FAT4: variants seen among roughly 807,000 people sequenced by gnomAD.
The protein encoded by FAT4 is protocadherin Fat 4.
FAT4 carries 84 observed loss-of-function variants against 303.9 expected under a neutral mutation model. The ratio of observed to expected loss-of-function variants is 0.28; its 90% CI spans 0.23 to 0.33. The LOEUF (loss-of-function observed/expected upper bound fraction) is 0.33, where lower values mean the gene tolerates loss of function less well. Ranked by LOEUF, FAT4 falls within the 10% of genes least tolerant of loss-of-function variation. The pLI is 1.00. For synonymous variants in FAT4, 2,307 were observed against 2,298.8 expected (o/e 1.00, Z -0.10); for missense variants, 6,005 against 6,146.8 (o/e 0.98, Z 0.77).
Position 125,317,388 on chromosome 4 carries a change from T to G in FAT4, c.977T>G (p.Met326Arg). The change falls in exon 2 of 18, where the codon ATG becomes AGG. Residue 326 changes from methionine (M) to arginine (R), a missense_variant. Coordinates refer to ENST00000394329, the MANE Select transcript of FAT4 (RefSeq NM_001291303.3). This position sits in a 1 kb window ranked among gnomAD's most constrained non-coding sequence, Gnocchi z 7.0. ...RRQYSLTVQAMDRGVPSLTGR... is the reference protein window; with the variant it reads ...RRQYSLTVQARDRGVPSLTGR... ...CAATACTCGCTTACGGTGCAGGCGATGGACAGAGGCGTGCCTTCCCTCACT... is the reference window on the plus strand; with the variant it reads ...CAATACTCGCTTACGGTGCAGGCGAGGGACAGAGGCGTGCCTTCCCTCACT... 1 of 1,613,482 alleles carries G rather than the reference T, an allele frequency of 6.2e-7. No homozygotes were observed. Among genetic ancestry groups the G allele is most frequent in the East Asian group, 2.2e-5 (1 of 44,868 alleles).
chr4:125,315,684 G>A lies in FAT4; in HGVS notation c.-306G>A, dbSNP rs1730546402. Among the ~76,000 whole-genome samples, 2 of 152,182 alleles carry A rather than the reference G, an allele frequency of 1.3e-5. No homozygotes were observed. The highest frequency in any genetic ancestry group is 4.1e-4 in the South Asian group (2 of 4,830). On this transcript the variant is annotated 5_prime_UTR_variant, in exon 1 of 18. Transcript: ENST00000394329. ...GGCGGCGGCGGCTGCAGGAGGGGAA[G>A]GGGCAGAGTTGAGCGCTCCCGGGTA...
chr4:125,414,060 ACT>A (rs2126026062), intron 5 of FAT4, among the ~76,000 whole-genome samples: 1 of 152,076 alleles, frequency 6.6e-6, no homozygotes, highest in East Asian at 1.9e-4. Flanking sequence ...AGAAAACATC[ACT>A]CTGAGGCAGA....
At chr4:125,395,134 A>G (rs999408851) in intron 2 of FAT4, among the ~76,000 whole-genome samples, 2 of 152,146 alleles carry the variant, frequency 1.3e-5, no homozygotes, top group African/African-American at 4.8e-5. Context: ...TATGCTAATG[A>G]GTTCAGATCT....
intron 2 of FAT4, among the ~76,000 whole-genome samples, chr4:125,379,842 T>TAAAAAAA (rs1733472809): frequency 6.6e-6 from 1 of 151,834 alleles, no homozygotes; most frequent in African/African-American, 2.4e-5. Context: ...AACACACACA[T>TAAAAAAA]ATATATGTAT....
intron 2 of FAT4, among the ~76,000 whole-genome samples, chr4:125,395,784 T>C (rs981293919): frequency 4.6e-5 from 7 of 152,188 alleles, no homozygotes; most frequent in South Asian, 2.1e-4. Flanking sequence ...CTGGTCTATA[T>C]AGATTCATTC....
chr4:125,368,807 A>G (rs1732991606), intron 2 of FAT4, among the ~76,000 whole-genome samples: 1 of 151,970 alleles, frequency 6.6e-6, no homozygotes, highest in Non-Finnish European at 1.5e-5. Context: ...TCTTACGAGA[A>G]TTTCTGGAAA....
chr4:125,375,459 T>G (rs1228274788), intron 2 of FAT4, among the ~76,000 whole-genome samples: 2 of 152,216 alleles, frequency 1.3e-5, no homozygotes, highest in Non-Finnish European at 2.9e-5. Flanking sequence ...TATCGTCATG[T>G]CACTGACATT....
intron 2 of FAT4, among the ~76,000 whole-genome samples, chr4:125,397,901 A>G (rs943217049): frequency 2.7e-4 from 41 of 152,272 alleles, no homozygotes; most frequent in African/African-American, 9.6e-4. Context: ...CCCTGGTTAT[A>G]TCCTAACTAA....
chr4:125,442,029 A>G (rs1271969609), intron 8 of FAT4, among the ~76,000 whole-genome samples: 3 of 152,204 alleles, frequency 2.0e-5, no homozygotes, highest in African/African-American at 7.2e-5. Flanking sequence ...TTGCCATATG[A>G]TGGTAAGCTG....
intron 2 of FAT4, among the ~76,000 whole-genome samples, chr4:125,389,308 T>C (rs1733885640): frequency 6.6e-6 from 1 of 152,174 alleles, no homozygotes; most frequent in Admixed American, 6.6e-5. Flanking sequence ...TCCCATATTG[T>C]ATGTTACTTC....
intron 11 of FAT4, among the ~76,000 whole-genome samples, chr4:125,465,910 G>A (rs1399540650): frequency 6.6e-6 from 1 of 152,146 alleles, no homozygotes; most frequent in East Asian, 1.9e-4. Flanking sequence ...AAACAAAAAT[G>A]ATTTTTGTTC....
chr4:125,352,595 A>T (rs925843760), intron 2 of FAT4, among the ~76,000 whole-genome samples: 1 of 151,702 alleles, frequency 6.6e-6, no homozygotes, highest in Non-Finnish European at 1.5e-5. Context: ...AAGCCTATTG[A>T]TCAGTGTTTT....
intron 12 of FAT4, among the ~76,000 whole-genome samples, chr4:125,469,901 G>GT (rs1726799606): frequency 1.3e-5 from 2 of 152,120 alleles, no homozygotes; most frequent in Non-Finnish European, 2.9e-5. Flanking sequence ...TTTCCAGAAG[G>GT]TTTTTAATTT....
intron 8 of FAT4, among the ~76,000 whole-genome samples, chr4:125,441,926 C>T (rs1336499238): frequency 6.6e-6 from 1 of 152,178 alleles, no homozygotes; most frequent in Non-Finnish European, 1.5e-5. Context: ...CTACTACCTG[C>T]AGGCCAAATT....
chr4:125,437,108 G>A lies in FAT4; in HGVS notation c.7199+2683G>A, dbSNP rs539100458. On this transcript the variant is annotated intron_variant, in intron 8 of 17. Coordinates refer to ENST00000394329, the MANE Select transcript of FAT4 (RefSeq NM_001291303.3). The stretch of plus-strand genomic sequence containing the variant: ...GATCTCAGGTGATCTGCCCACTTCC[G>A]CCTTCCAAAGTGCTGGGATTACAGG... 6.6e-5 allele frequency among the ~76,000 whole-genome samples: 10 copies of A among 152,080 alleles called. No homozygotes were observed. The South Asian group carries it at 1.0e-3, about 16-fold the overall frequency.
At chr4:125,392,992 A>G (rs1336274924) in intron 2 of FAT4, among the ~76,000 whole-genome samples, 1 of 152,196 alleles carries the variant, frequency 6.6e-6, no homozygotes, top group Non-Finnish European at 1.5e-5. Flanking sequence ...TCTCTGTAAA[A>G]TAACAGAAAT....
In FAT4 at chr4:125,476,270, T is replaced by C; in HGVS notation, c.12299+14T>C. 1 of 1,444,214 alleles carries C rather than the reference T, an allele frequency of 6.9e-7. No homozygotes were observed. Among genetic ancestry groups the C allele is most frequent in the Non-Finnish European group, 9.4e-7 (1 of 1,062,998 alleles). 89.5% of individuals were successfully genotyped at this position (1,444,214 alleles called of 1,614,324 possible). On this transcript the variant is annotated intron_variant, in intron 13 of 17. Transcript: ENST00000394329. ...TTCAGATGACTGGTAAGGAATAGGA[T>C]TAGTTTAATTTTTATTATTACTTAA...
At chr4:125,435,288 G>A (rs1725414053) in intron 8 of FAT4, among the ~76,000 whole-genome samples, 3 of 152,186 alleles carry the variant, frequency 2.0e-5, no homozygotes, top group Admixed American at 2.0e-4. Flanking sequence ...AAGAAATGAA[G>A]ATTTCCAAAG....
chr4:125,318,819 T>C lies in FAT4; in HGVS notation c.2408T>C (p.Phe803Ser). Residue 803 changes from phenylalanine (F) to serine (S), a missense_variant, in exon 2 of 18, where the codon TTT (phenylalanine) becomes TCT (serine). Physicochemically the swap from Phe to Ser is radical, Grantham distance 155. Transcript: ENST00000394329. ...CAGGTTGCCTACAGCTTTGTGGTTT[T>C]TGAGAACGTGGCGCTGGGATATCAT... is the stretch of plus-strand genomic sequence containing the variant. ...FSQVAYSFVV[F>S]ENVALGYHVG... 1 of 1,614,188 alleles carries C rather than the reference T, an allele frequency of 6.2e-7. No individual in the cohort carries two copies. The highest frequency in any genetic ancestry group is 2.2e-5 in the East Asian group (1 of 44,876).
Sources: allele counts gnomAD v4.1 joint callset (sites outside exome capture counted in the v4.1 genomes callset), GRCh38; gene constraint gnomAD v4.1.1; non-coding constraint Gnocchi (gnomAD v3.1); transcripts MANE v1.5; gene names NCBI Gene and HGNC (gene_info 2026-07-23, HGNC 2026-07-21).